The following DAAM2 variants were observed in gnomAD, a reference collection of about 807,000 sequenced individuals.
The protein encoded by DAAM2 is dishevelled associated activator of morphogenesis 2.
In DAAM2, 39 loss-of-function variants were observed where a neutral mutation model predicts 120.7. The ratio of observed to expected loss-of-function variants is 0.32; its 90% CI spans 0.25 to 0.42. The LOEUF is 0.42. Among genes scored for constraint, DAAM2 ranks in the 10% least tolerant of loss-of-function variants. The pLI, the probability that DAAM2 is intolerant of heterozygous loss-of-function variation, is 1.00. For missense variants in DAAM2, 1,283 were observed against 1,401.7 expected (o/e 0.92, Z 1.35); for synonymous variants, 488 against 524.9 (o/e 0.93, Z 0.96).
chr6:39,831,336 C>T (rs1762879393), intron 1 of DAAM2, among the ~76,000 whole-genome samples: 2 of 152,160 alleles, frequency 1.3e-5, no homozygotes, highest in South Asian at 4.1e-4. Context: ...CTTGAAAGAC[C>T]TCACTGAGAG....
intron 1 of DAAM2, among the ~76,000 whole-genome samples, chr6:39,828,600 G>A (rs1477628318): frequency 7.5e-6 from 1 of 133,534 alleles, no homozygotes. Flanking sequence ...TTCTTGCTCT[G>A]TCGCCAGGCT....
At position 39,891,364 on chromosome 6, in the gene DAAM2, G is replaced by A; in HGVS notation, c.2169G>A (p.Lys723=). The change falls in exon 18 of 25, where the codon AAG becomes AAA. Residue 723 remains lysine (K), a synonymous_variant. Transcript: ENST00000274867. ...LEQLLKFIPE[K]SDIDLLEEHK... The stretch of plus-strand genomic sequence containing the variant: ...AGCTCCTCAAGTTCATCCCAGAGAA[G>A]AGTGACATTGACCTCCTGGAGGAGC... 6.2e-7 allele frequency: 1 copy of A among 1,610,324 alleles called. No homozygotes were observed. Among genetic ancestry groups the A allele is most frequent in the Non-Finnish European group, 8.5e-7 (1 of 1,178,206 alleles).
intron 22 of DAAM2, 21 bp from the exon 23 acceptor site, chr6:39,900,056 C>G: frequency 6.3e-7 from 1 of 1,596,644 alleles, no homozygotes. Context: ...GTCTAAGCAG[C>G]ACTTCACCCT....
chr6:39,848,772 C>T (rs1287482320), intron 1 of DAAM2: 1 of 152,212 alleles, frequency 6.6e-6, no homozygotes, highest in African/African-American at 2.4e-5. Flanking sequence ...TCTCCCCCAG[C>T]CCTGCCTGAG....
At chr6:39,844,412 G>A (rs1036551712) in intron 1 of DAAM2, among the ~76,000 whole-genome samples, 2 of 151,678 alleles carry the variant, frequency 1.3e-5, no homozygotes, top group African/African-American at 4.8e-5. Context: ...GAGCTAAATC[G>A]AAGCTGGGTT....
intron 1 of DAAM2, among the ~76,000 whole-genome samples, chr6:39,802,766 A>C (rs556398583): frequency 1.3e-5 from 2 of 152,340 alleles, no homozygotes; most frequent in South Asian, 2.1e-4. Context: ...ATTGAAGCCC[A>C]ACATAAATGA....
At chr6:39,835,589 G>A (rs142470936) in intron 1 of DAAM2, among the ~76,000 whole-genome samples, 16 of 152,324 alleles carry the variant, frequency 1.1e-4, no homozygotes, top group African/African-American at 3.8e-4. Flanking sequence ...GAACATTTGT[G>A]GAATGAGTGG....
chr6:39,846,967 T>G (rs2149265696), intron 1 of DAAM2, among the ~76,000 whole-genome samples: 1 of 152,256 alleles, frequency 6.6e-6, no homozygotes, highest in African/African-American at 2.4e-5. Flanking sequence ...CCAGCTCAGC[T>G]CCCATCCTAC....
chr6:39,856,349 G>A lies in DAAM2; in HGVS notation c.47G>A (p.Cys16Tyr), dbSNP rs373643190. 3 of 1,553,192 alleles carry A rather than the reference G, an allele frequency of 1.9e-6. No individual in the cohort carries two copies. In the South Asian group the frequency reaches 3.6e-5, roughly 19 times the overall value. ...CACCATGGCCTGGGCTTCCTGTGCT[G>A]CTTCGGGGGCAGTGACATCCCCGAA... is the stretch of plus-strand genomic sequence containing the variant. ...RSHHGLGFLC[C>Y]FGGSDIPEIN... The change falls in exon 2 of 25, where the codon TGC becomes TAC. Residue 16 changes from cysteine (C) to tyrosine (Y), a missense_variant. By Grantham distance (194) the Cys-to-Tyr change is radical (BLOSUM62 -2). This residue lies in a region of DAAM2 where 197 missense variants were observed against 189.3 expected (regional missense o/e 1.04). Coordinates refer to ENST00000274867, the MANE Select transcript of DAAM2 (RefSeq NM_001201427.2).
chr6:39,805,605 A>T (rs1022496551), intron 1 of DAAM2, among the ~76,000 whole-genome samples: 2 of 149,686 alleles, frequency 1.3e-5, no homozygotes, highest in East Asian at 2.0e-4. Flanking sequence ...CCCAGGCTGG[A>T]GTGCAGTGAC....
chr6:39,850,688 A>G (rs534335651), intron 1 of DAAM2, among the ~76,000 whole-genome samples: 3 of 152,312 alleles, frequency 2.0e-5, no homozygotes, highest in East Asian at 1.9e-4. Flanking sequence ...GGATCGTGGT[A>G]TCATTGTAGG....
At chr6:39,875,565 C>G (rs972030639) in intron 11 of DAAM2, 97 bp downstream of exon 11, 22 of 1,416,868 alleles carry the variant, frequency 1.6e-5, no homozygotes, top group Non-Finnish European at 1.9e-5. Context: ...CTTTCGCAAC[C>G]CAGTCATCCC....
At chr6:39,900,796 CAA>C (rs1334466734) in intron 23 of DAAM2, among the ~76,000 whole-genome samples, 13 of 152,292 alleles carry the variant, frequency 8.5e-5, no homozygotes, top group African/African-American at 3.1e-4. Flanking sequence ...GTTGAATTAA[CAA>C]TGGTAGCTCT....
rs566444803 is a variant in DAAM2 at position 39,807,080 on chromosome 6, G to A, written c.-57+14615G>A. 7.2e-5 allele frequency among the ~76,000 whole-genome samples: 11 copies of A among 151,900 alleles called. No homozygotes were observed. In the South Asian group the frequency reaches 2.3e-3, roughly 32 times the overall value. ...GATATGTTCAGGAATATTCACTACA[G>A]CATGGTTTTTTAGAGCTAAAAAGCA... On this transcript the variant is annotated intron_variant, in intron 1 of 24. Transcript: ENST00000274867.
intron 3 of DAAM2, 36 bp from the exon 4 acceptor site, chr6:39,864,397 G>T: frequency 6.4e-7 from 1 of 1,568,528 alleles, no homozygotes; most frequent in Non-Finnish European, 8.7e-7. Context: ...GGCCTGTCTT[G>T]CCTGTTGGTC....
chr6:39,883,729 A>G, intron 14 of DAAM2: 1 of 478,258 alleles, frequency 2.1e-6, no homozygotes, highest in Non-Finnish European at 3.8e-6. Context: ...ACATGTTTAC[A>G]TGTGGCTCCA....
chr6:39,855,900 C>T (rs1016987984), intron 1 of DAAM2: 11 of 323,846 alleles, frequency 3.4e-5, no homozygotes, highest in African/African-American at 6.8e-5. Context: ...AATAGGAGCC[C>T]GTCCACACAT....
At chr6:39,857,899 A>G (rs1764069351) in intron 2 of DAAM2, among the ~76,000 whole-genome samples, 1 of 152,012 alleles carries the variant, frequency 6.6e-6, no homozygotes, top group Admixed American at 6.5e-5. Flanking sequence ...CCTAGTAGGG[A>G]AGACTGATTT....
chr6:39,813,992 G>C (rs1020287552), intron 1 of DAAM2, among the ~76,000 whole-genome samples: 2 of 152,154 alleles, frequency 1.3e-5, no homozygotes, highest in Admixed American at 1.3e-4. Flanking sequence ...CTGGGGGAAA[G>C]GGGCCCTAAA....
Sources: gnomAD v4.1 joint callset for allele counts (sites outside exome capture counted in the v4.1 genomes callset) on GRCh38, gnomAD v4.1.1 for gene constraint, gnomAD v4.1.1 regional missense constraint, MANE v1.5 for transcripts, NCBI Gene and HGNC (gene_info 2026-07-23, HGNC 2026-07-21) for gene names.